Variants in CDON observed in about 807,000 individuals in gnomAD.
CDON encodes cell adhesion associated, oncogene regulated.
CDON carries 73 observed loss-of-function variants against 120.9 expected under a neutral mutation model. The observed-to-expected ratio is 0.60, with a 90% confidence interval of 0.50 to 0.73. The LOEUF (loss-of-function observed/expected upper bound fraction) is 0.73. CDON is among the 30% of genes least tolerant of loss of function. The pLI, the probability that CDON is intolerant of heterozygous loss-of-function variation, is 0.00. For synonymous variants in CDON, 566 were observed against 573.5 expected (o/e 0.99, Z 0.19); for missense variants, 1,470 against 1,587.3 (o/e 0.93, Z 1.26).
At chr11:125,980,937 C>T (rs1211558529) in intron 17 of CDON, 112 bp downstream of exon 17, 6 of 1,066,698 alleles carry the variant, frequency 5.6e-6, no homozygotes, top group South Asian at 4.0e-5. Flanking sequence ...TGTTTCCATT[C>T]GAGGAAACTT....
At chr11:126,042,135 C>T (rs1360665409) in intron 1 of CDON, among the ~76,000 whole-genome samples, 1 of 152,224 alleles carries the variant, frequency 6.6e-6, no homozygotes, top group Admixed American at 6.5e-5. Flanking sequence ...CTGCCTGCCT[C>T]GGCCTCCCAA....
chr11:126,014,069 T>A lies in CDON; in HGVS notation c.1198+1172A>T, dbSNP rs182446387. On this transcript the variant is annotated intron_variant, in intron 7 of 19. Coordinates refer to ENST00000531738, the MANE Select transcript of CDON (RefSeq NM_001378964.1). ...AAATGTCCAAATACATGCCAATTTT[T>A]AAAAATTGTTTTCATTATTAACTTC... 3.4e-3 allele frequency among the ~76,000 whole-genome samples: 524 copies of A among 152,270 alleles called. 6 individuals carry two copies. Among genetic ancestry groups the A allele is most frequent in the South Asian group, 0.028 (137 of 4,826 alleles).
At chr11:125,962,657 TTTCTGTTC>T (rs1945676762) in intron 18 of CDON, among the ~76,000 whole-genome samples, 2 of 152,256 alleles carry the variant, frequency 1.3e-5, no homozygotes, top group Non-Finnish European at 2.9e-5. Context: ...AATTTTTTTC[TTTCTGTTC>T]TTCAGACTGG....
chr11:126,061,401 TCTTAA>T (rs1374417769), intron 1 of CDON, among the ~76,000 whole-genome samples: 4 of 152,220 alleles, frequency 2.6e-5, no homozygotes, highest in African/African-American at 7.2e-5. Context: ...TTTCATCTTA[TCTTAA>T]AAGTTGAACT....
Position 126,010,595 on chromosome 11 carries a change from A to G in CDON, c.1298T>C (p.Val433Ala), listed in dbSNP as rs1204931414. 1.2e-6 allele frequency: 2 copies of G among 1,614,084 alleles called. No homozygotes were observed. Among genetic ancestry groups the G allele is most frequent in the East Asian group, 4.5e-5 (2 of 44,900 alleles). The change falls in exon 8 of 20, where the codon GTT becomes GCT. Residue 433 changes from valine to alanine, a missense_variant. Physicochemically the swap from Val to Ala is moderately conservative, Grantham distance 64. Coordinates refer to ENST00000531738, the MANE Select transcript of CDON (RefSeq NM_001378964.1). The stretch of plus-strand genomic sequence containing the variant: ...GCTGTCATACCAACGAATGACCGGA[A>G]CCGGCAGCCCACTGGCATTGCAGGA... ...TLSCNASGLPVPVIRWYDSHG... is the reference protein window; with the variant it reads ...TLSCNASGLPAPVIRWYDSHG...
intron 14 of CDON, among the ~76,000 whole-genome samples, chr11:125,993,036 G>A (rs1318479160): frequency 6.6e-6 from 1 of 152,164 alleles, no homozygotes; most frequent in African/African-American, 2.4e-5. Flanking sequence ...ACCTATGCTA[G>A]AAATGCTACG....
At chr11:126,030,607 C>A (rs1947918473) in intron 1 of CDON, among the ~76,000 whole-genome samples, 1 of 152,120 alleles carries the variant, frequency 6.6e-6, no homozygotes, top group Non-Finnish European at 1.5e-5. Flanking sequence ...AACAATGATT[C>A]ATCTCGATTT....
At chr11:126,011,029 C>A in intron 7 of CDON, 2 of 388,362 alleles carry the variant, frequency 5.1e-6, no homozygotes, top group East Asian at 7.1e-5. Context: ...AAACCTCAGA[C>A]CTTAACAGGA....
chr11:126,013,594 T>G (rs1947369229), intron 7 of CDON, among the ~76,000 whole-genome samples: 1 of 152,188 alleles, frequency 6.6e-6, no homozygotes, highest in South Asian at 2.1e-4. Flanking sequence ...TCACAAAATT[T>G]AGCTTAATCT....
intron 15 of CDON, among the ~76,000 whole-genome samples, chr11:125,987,284 T>C (rs1946495340): frequency 6.6e-6 from 1 of 151,858 alleles, no homozygotes; most frequent in Non-Finnish European, 1.5e-5. Flanking sequence ...ATGAAAAACA[T>C]AAAGAGAAGC....
intron 18 of CDON, among the ~76,000 whole-genome samples, chr11:125,968,225 T>C (rs1181017322): frequency 4.6e-5 from 7 of 152,362 alleles, no homozygotes; most frequent in Non-Finnish European, 8.8e-5. Flanking sequence ...AATGTTGATA[T>C]AACAAAACAA....
In CDON at chr11:126,062,844, G is replaced by C. The variant is rs370136116; in HGVS notation, c.-327C>G. ...GCGAGCCGGGCTCCCGGGCTCAGGG[G>C]AGGGGAGCTGAGGGGCGGAGTCACC... On this transcript the variant is annotated 5_prime_UTR_variant, in exon 1 of 20. Coordinates refer to ENST00000531738, the MANE Select transcript of CDON (RefSeq NM_001378964.1). The C allele has an allele frequency of 3.3e-5, 5 of 151,926 alleles. No individual in the cohort carries two copies. The East Asian group carries it at 9.8e-4, about 30-fold the overall frequency. The allele number at this position is 151,926 out of a possible 1,614,324, so 9.4% of individuals were successfully genotyped here.
rs1196293325 is a variant in CDON, at chr11:126,023,154, T to TTTTAAAATTTTCA, written c.76+246_76+247insTGAAAATTTTAAA. 6.0e-4 allele frequency among the ~76,000 whole-genome samples: 91 copies of TTTTAAAATTTTCA among 152,336 alleles called. 1 individual carries two copies. Among genetic ancestry groups the TTTTAAAATTTTCA allele is most frequent in the Admixed American group, 4.3e-3 (66 of 15,306 alleles). On this transcript the variant is annotated intron_variant, in intron 2 of 19. Transcript: ENST00000531738. ...AGCATGATTGGAAAATATGTATTTT[T>TTTTAAAATTTTCA]TTTTAAAAAATGAAAGGGATAAATT...
rs764029409 is a variant in CDON, at chr11:126,043,867, G to GA, written c.-62+18711dup. Among the ~76,000 whole-genome samples, 45 of 151,932 alleles carry GA rather than the reference G, an allele frequency of 3.0e-4. No homozygotes were observed. In the East Asian group the frequency reaches 4.4e-3, roughly 15 times the overall value. On this transcript the variant is annotated intron_variant, in intron 1 of 19. Transcript: ENST00000531738. ...GATTTCAGGAGGTATGAAATTGACT[G>GA]AAAAAAAAGGTCACTGTGGTTATGC...
chr11:126,030,111 C>A (rs1297834765), intron 1 of CDON, among the ~76,000 whole-genome samples: 1 of 152,196 alleles, frequency 6.6e-6, no homozygotes, highest in Non-Finnish European at 1.5e-5. Flanking sequence ...AGAAGGCAAT[C>A]TGTCCTATAA....
intron 17 of CDON, among the ~76,000 whole-genome samples, chr11:125,978,951 G>T (rs555178324): frequency 6.6e-6 from 1 of 152,008 alleles, no homozygotes; most frequent in Non-Finnish European, 1.5e-5. Flanking sequence ...ACTTGGAGGG[G>T]GTGTGTTAAT....
intron 18 of CDON, among the ~76,000 whole-genome samples, chr11:125,967,569 A>G (rs1461013942): frequency 6.6e-6 from 1 of 152,200 alleles, no homozygotes; most frequent in Non-Finnish European, 1.5e-5. Flanking sequence ...CTCAACAGTG[A>G]TGGCCTAAAA....
chr11:126,045,420 AACAG>A lies in CDON; in HGVS notation c.-62+17155_-62+17158del, dbSNP rs1355519438. 1.1e-4 allele frequency among the ~76,000 whole-genome samples: 16 copies of A among 152,334 alleles called. No individual in the cohort carries two copies. The South Asian group carries it at 1.2e-3, about 12-fold the overall frequency. On this transcript the variant is annotated intron_variant, in intron 1 of 19. Transcript: ENST00000531738. Reference sequence around the variant, plus strand: ...ATGCTTAATATCAAAAGAATCAAAAAACAGACAAAGGAAATATAAAATAAACAAA... The same window carrying A: ...ATGCTTAATATCAAAAGAATCAAAAAACAAAGGAAATATAAAATAAACAAA...
chr11:126,015,600 T>G, intron 6 of CDON, 90 bp from the exon 7 acceptor site: 1 of 1,344,130 alleles, frequency 7.4e-7, no homozygotes, highest in Non-Finnish European at 1.0e-6. Flanking sequence ...TCTCTACCAA[T>G]AACCAGTTGA....
Sources: allele counts gnomAD v4.1 joint callset (sites outside exome capture counted in the v4.1 genomes callset), GRCh38; gene constraint gnomAD v4.1.1; transcripts MANE v1.5; gene names NCBI Gene and HGNC (gene_info 2026-07-23, HGNC 2026-07-21).